The following SLC39A12 variants were observed in gnomAD, a reference collection of about 807,000 sequenced individuals.
SLC39A12 encodes the protein solute carrier family 39 member 12.
Under a neutral mutation model 71.1 loss-of-function variants are expected in SLC39A12, and 63 were observed. That is an observed-to-expected ratio of 0.89 (90% CI 0.72 to 1.09). The LOEUF (loss-of-function observed/expected upper bound fraction) is 1.09, where lower values mean the gene tolerates loss of function less well. Ranked by LOEUF, SLC39A12 falls within the 50% of genes least tolerant of loss-of-function variation. The pLI, the probability that SLC39A12 is intolerant of heterozygous loss-of-function variation, is 0.00. For missense variants in SLC39A12, 892 were observed against 812.6 expected (o/e 1.10, Z -1.19); for synonymous variants, 351 against 301.3 (o/e 1.16, Z -1.71).
intron 12 of SLC39A12, among the ~76,000 whole-genome samples, chr10:18,033,055 T>A (rs1225265822): frequency 1.3e-5 from 2 of 151,456 alleles, no homozygotes; most frequent in African/African-American, 4.9e-5. Flanking sequence ...GGTTTGCCAG[T>A]ATTTTATTGA....
At chr10:18,013,336 TC>T (rs1192264605) in intron 12 of SLC39A12, among the ~76,000 whole-genome samples, 2 of 136,950 alleles carry the variant, frequency 1.5e-5, no homozygotes, top group African/African-American at 5.5e-5. Flanking sequence ...TAGGTAAACA[TC>T]CAACTTTATT....
At chr10:17,965,337 G>A (rs1834796836) in intron 3 of SLC39A12, 146 bp from the exon 4 acceptor site, 1 of 683,928 alleles carries the variant, frequency 1.5e-6, no homozygotes, top group South Asian at 2.0e-5. Context: ...TGAGACAGGA[G>A]AAAGATGATA....
chr10:18,000,701 G>T lies in SLC39A12; in HGVS notation c.1635G>T (p.Leu545=). Residue 545 remains leucine, a synonymous_variant, in exon 11 of 13, where the codon CTG becomes CTT. Coordinates refer to ENST00000377369, the MANE Select transcript of SLC39A12 (RefSeq NM_001145195.2). ...KAISLLAIMI[L]VGDSLHNFAD... ...TTAGCTTGTTAGCAATCATGATTCT[G>T]GTTGGGGACAGCCTGCATAATTTTG... The T allele has an allele frequency of 6.2e-7, 1 of 1,614,168 alleles. No homozygotes were observed. Among genetic ancestry groups the T allele is most frequent in the Non-Finnish European group, 8.5e-7 (1 of 1,180,018 alleles).
intron 12 of SLC39A12, among the ~76,000 whole-genome samples, chr10:18,028,876 C>T (rs1350021708): frequency 6.6e-6 from 1 of 152,130 alleles, no homozygotes; most frequent in Non-Finnish European, 1.5e-5. Flanking sequence ...CCTGCCACCA[C>T]ACTCGGCTAA....
At chr10:17,988,163 C>T (rs1257424407) in intron 7 of SLC39A12, among the ~76,000 whole-genome samples, 2 of 152,176 alleles carry the variant, frequency 1.3e-5, no homozygotes, top group Non-Finnish European at 2.9e-5. Flanking sequence ...TAAAAATTAG[C>T]TGGGCATAGT....
intron 12 of SLC39A12, among the ~76,000 whole-genome samples, chr10:18,032,557 A>C (rs1168607630): frequency 2.1e-5 from 3 of 145,126 alleles, no homozygotes; most frequent in Non-Finnish European, 4.6e-5. Context: ...GGGCTGAGAC[A>C]ATGGGGTTTT....
chr10:17,993,195 G>A lies in SLC39A12; in HGVS notation c.1437G>A (p.Leu479=). The change falls in exon 9 of 13, where the codon TTG becomes TTA. Residue 479 remains leucine (L), a synonymous_variant. Transcript: ENST00000377369. ...TCCTCATCCAGCAGGGCCTGTCATT[G>A]GTTAATGGGCACGTGGGTCATTCCC... ...VSPNDKQGLS[L]VNGHVGHSHH... is the part of the protein sequence containing the mutation. The A allele has an allele frequency of 6.4e-7, 1 of 1,551,310 alleles. No homozygotes were observed. Among genetic ancestry groups the A allele is most frequent in the Non-Finnish European group, 8.7e-7 (1 of 1,146,754 alleles).
intron 12 of SLC39A12, among the ~76,000 whole-genome samples, chr10:18,042,081 G>C (rs963482390): frequency 1.3e-5 from 2 of 151,970 alleles, no homozygotes; most frequent in Admixed American, 6.6e-5. Context: ...TAATAGAACA[G>C]TCCAAAATAA....
At chr10:17,990,753 T>TA (rs1197963427) in intron 7 of SLC39A12, among the ~76,000 whole-genome samples, 1 of 152,190 alleles carries the variant, frequency 6.6e-6, no homozygotes, top group Non-Finnish European at 1.5e-5. Context: ...AGATGAAATA[T>TA]AAAATTTATT....
chr10:17,989,901 A>G (rs1835499246), intron 7 of SLC39A12, among the ~76,000 whole-genome samples: 1 of 151,628 alleles, frequency 6.6e-6, no homozygotes, highest in African/African-American at 2.4e-5. Flanking sequence ...ACAGAACGAG[A>G]CTCTGTCTCA....
At chr10:18,027,788 G>A (rs1343931249) in intron 12 of SLC39A12, among the ~76,000 whole-genome samples, 2 of 152,158 alleles carry the variant, frequency 1.3e-5, no homozygotes, top group Admixed American at 6.5e-5. Context: ...TACTTGTTAG[G>A]ACAGAATGGC....
chr10:17,979,240 G>A (rs1457413636), intron 5 of SLC39A12, among the ~76,000 whole-genome samples: 3 of 152,122 alleles, frequency 2.0e-5, no homozygotes, highest in Non-Finnish European at 4.4e-5. Context: ...TCCCCAGTAA[G>A]GACATTTATG....
Position 18,036,779 on chromosome 10 carries a change from TATATATATA to T in SLC39A12, c.1948-5925_1948-5917del, listed in dbSNP as rs1234992050. Among the ~76,000 whole-genome samples, 60 of 16,576 alleles carry T rather than the reference TATATATATA, an allele frequency of 3.6e-3. 3 individuals are homozygous for T. Among genetic ancestry groups the T allele is most frequent in the African/African-American group, 6.5e-3 (38 of 5,806 alleles). 10.9% of individuals were successfully genotyped at this position (16,576 alleles called of 152,430 possible). The stretch of plus-strand genomic sequence containing the variant: ...ATATATATATATATATATATATATA[TATATATATA>T]TATATATTTTTTTTTTTAATGGAAT... On this transcript the variant is annotated intron_variant, in intron 12 of 12. Coordinates refer to ENST00000377369, the MANE Select transcript of SLC39A12 (RefSeq NM_001145195.2).
intron 12 of SLC39A12, among the ~76,000 whole-genome samples, chr10:18,021,220 A>G (rs1836524012): frequency 6.6e-6 from 1 of 151,856 alleles, no homozygotes; most frequent in African/African-American, 2.4e-5. Flanking sequence ...CATTTATTGA[A>G]TAGAGAGGCC....
At chr10:17,965,747 C>T in intron 4 of SLC39A12, 57 bp downstream of exon 4, 2 of 1,416,650 alleles carry the variant, frequency 1.4e-6, no homozygotes, top group Admixed American at 1.9e-5. Context: ...TAAACTATGC[C>T]AAAAACAAAG....
chr10:17,998,212 T>C (rs1248054024), intron 10 of SLC39A12, among the ~76,000 whole-genome samples: 3 of 152,242 alleles, frequency 2.0e-5, no homozygotes, highest in Non-Finnish European at 4.4e-5. Context: ...CTGTGGCTTG[T>C]TACCTATCCA....
chr10:18,003,178 T>C lies in SLC39A12; in HGVS notation c.1767T>C (p.Phe589=). ...TTTCCTCTTAAACTTCAGGAGACTT[T>C]GCCGTGCTCTTAAGCTCTGGACTTT... ...CHEIPHEMGD[F]AVLLSSGLSM... The change falls in exon 12 of 13, where the codon TTT becomes TTC. Residue 589 remains phenylalanine (F), a synonymous_variant. Coordinates refer to ENST00000377369, the MANE Select transcript of SLC39A12 (RefSeq NM_001145195.2). 1 of 1,612,318 alleles carries C rather than the reference T, an allele frequency of 6.2e-7. No individual in the cohort carries two copies. Among genetic ancestry groups the C allele is most frequent in the Non-Finnish European group, 8.5e-7 (1 of 1,179,506 alleles).
chr10:17,988,599 CCTT>C (rs1216201683), intron 7 of SLC39A12, among the ~76,000 whole-genome samples: 3 of 152,152 alleles, frequency 2.0e-5, no homozygotes, highest in African/African-American at 7.2e-5. Context: ...ATTCACTTGT[CCTT>C]CTTTCTGTTC....
intron 12 of SLC39A12, among the ~76,000 whole-genome samples, chr10:18,030,145 A>C (rs912215741): frequency 3.9e-5 from 6 of 152,178 alleles, no homozygotes; most frequent in Admixed American, 6.5e-5. Flanking sequence ...GAAAGTTCAC[A>C]TAGGCCACCG....
Sources: gnomAD v4.1 joint callset for allele counts (sites outside exome capture counted in the v4.1 genomes callset) on GRCh38, gnomAD v4.1.1 for gene constraint, MANE v1.5 for transcripts, NCBI Gene and HGNC (gene_info 2026-07-23, HGNC 2026-07-21) for gene names.